Variants in KCNAB1 observed in about 807,000 individuals in gnomAD.
The protein encoded by KCNAB1 is potassium voltage-gated channel subfamily A regulatory beta subunit 1.
KCNAB1 carries 35 observed loss-of-function variants against 64.6 expected under a neutral mutation model. That is an observed-to-expected ratio of 0.54 (90% CI 0.41 to 0.72). The LOEUF (loss-of-function observed/expected upper bound fraction) is 0.72. KCNAB1 is among the 30% of genes least tolerant of loss of function. The probability of loss-of-function intolerance (pLI) is 0.00; values close to 1 mark genes in which losing one functional copy is unlikely to be tolerated. For missense variants in KCNAB1, 401 were observed against 512.9 expected, an observed-to-expected ratio of 0.78 and a Z score of 2.11; for synonymous variants, 177 against 183.8, an observed-to-expected ratio of 0.96 and a Z score of 0.30.
intron 1 of KCNAB1, among the ~76,000 whole-genome samples, chr3:156,123,418 G>T (rs1032405324): frequency 6.6e-6 from 1 of 152,170 alleles, no homozygotes; most frequent in Non-Finnish European, 1.5e-5. Context: ...ATTGCTTTAT[G>T]TCCATATTCT....
intron 1 of KCNAB1, among the ~76,000 whole-genome samples, chr3:156,374,837 A>T (rs1711539165): frequency 7.3e-6 from 1 of 136,056 alleles, no homozygotes; most frequent in Non-Finnish European, 1.5e-5. Flanking sequence ...GTTGTTGTAA[A>T]GGTTAGATTT....
In KCNAB1 at chr3:156,222,354, G is replaced by T. The variant is rs141101589; in HGVS notation, c.275+101468G>T. ...CAAAGAACACTATATAATGATAAAA[G>T]AACTAGTCCAACAAGAAAATATCAC... On this transcript the variant is annotated intron_variant, in intron 1 of 13. Coordinates refer to ENST00000490337, the MANE Select transcript of KCNAB1 (RefSeq NM_172160.3). Among the ~76,000 whole-genome samples the T allele has an allele frequency of 3.7e-3, 564 of 152,204 alleles. 2 individuals carry two copies. The highest frequency in any genetic ancestry group is 6.8e-3 in the Admixed American group (104 of 15,302).
chr3:156,390,570 T>A (rs774244354), intron 1 of KCNAB1, among the ~76,000 whole-genome samples: 8 of 139,102 alleles, frequency 5.8e-5, no homozygotes, highest in Non-Finnish European at 1.1e-4. Flanking sequence ...CCCTCTCTCC[T>A]TCCTTCCTTC....
intron 11 of KCNAB1, among the ~76,000 whole-genome samples, chr3:156,521,616 T>C (rs1333995995): frequency 1.3e-5 from 2 of 152,190 alleles, no homozygotes; most frequent in Non-Finnish European, 2.9e-5. Context: ...TTTTGATTCA[T>C]AGATTACTGT....
chr3:156,196,787 C>A (rs1473775068), intron 1 of KCNAB1, among the ~76,000 whole-genome samples: 1 of 152,132 alleles, frequency 6.6e-6, no homozygotes, highest in East Asian at 1.9e-4. Flanking sequence ...TTTGAATATG[C>A]TTTATTTCTT....
intron 1 of KCNAB1, among the ~76,000 whole-genome samples, chr3:156,341,753 G>T (rs149872316): frequency 1.3e-5 from 2 of 152,200 alleles, no homozygotes; most frequent in African/African-American, 4.8e-5. Flanking sequence ...GTGACCTAGT[G>T]CATACATACA....
At chr3:156,439,490 G>A (rs1238162063) in intron 2 of KCNAB1, among the ~76,000 whole-genome samples, 1 of 152,234 alleles carries the variant, frequency 6.6e-6, no homozygotes, top group Non-Finnish European at 1.5e-5. Context: ...TGATGAACAA[G>A]ACAGACAGCC....
intron 1 of KCNAB1, among the ~76,000 whole-genome samples, chr3:156,357,572 C>T (rs564137411): frequency 1.3e-5 from 2 of 152,202 alleles, no homozygotes; most frequent in East Asian, 1.9e-4. Context: ...GAGAGTGCTA[C>T]AGCAACTTTC....
At chr3:156,276,768 G>C (rs1719373676) in intron 1 of KCNAB1, among the ~76,000 whole-genome samples, 1 of 152,054 alleles carries the variant, frequency 6.6e-6, no homozygotes, top group Non-Finnish European at 1.5e-5. Context: ...GCCTTGCTCT[G>C]GATTGTGCTT....
chr3:156,405,485 T>C (rs1714188780), intron 1 of KCNAB1, among the ~76,000 whole-genome samples: 1 of 152,200 alleles, frequency 6.6e-6, no homozygotes, highest in Non-Finnish European at 1.5e-5. Flanking sequence ...ATTTTCTCAG[T>C]ACAGTAACTT....
At chr3:156,459,261 G>T (rs367731600) in intron 4 of KCNAB1, among the ~76,000 whole-genome samples, 1 of 152,148 alleles carries the variant, frequency 6.6e-6, no homozygotes, top group South Asian at 2.1e-4. Flanking sequence ...AGCCTTAGGG[G>T]CAGGAAGGAC....
intron 1 of KCNAB1, among the ~76,000 whole-genome samples, chr3:156,185,040 G>C (rs1325972257): frequency 6.6e-6 from 1 of 152,196 alleles, no homozygotes; most frequent in African/African-American, 2.4e-5. Flanking sequence ...TAGGTGTAAA[G>C]CTCAAGGCCA....
At chr3:156,306,088 G>A (rs1721472943) in intron 1 of KCNAB1, among the ~76,000 whole-genome samples, 1 of 152,218 alleles carries the variant, frequency 6.6e-6, no homozygotes, top group South Asian at 2.1e-4. Context: ...CTGCGTGGAA[G>A]CTATACAGTG....
intron 1 of KCNAB1, among the ~76,000 whole-genome samples, chr3:156,329,419 A>G (rs1204841082): frequency 6.6e-6 from 1 of 152,142 alleles, no homozygotes; most frequent in Non-Finnish European, 1.5e-5. Context: ...ATGGAAATCT[A>G]CTGAACTCTT....
At chr3:156,453,114 T>C (rs1465921175) in intron 3 of KCNAB1, 178 bp downstream of exon 3, 2 of 480,260 alleles carry the variant, frequency 4.2e-6, no homozygotes, top group Non-Finnish European at 7.4e-6. Flanking sequence ...ATTTTTTACA[T>C]TTAGACTATT....
intron 1 of KCNAB1, among the ~76,000 whole-genome samples, chr3:156,186,111 A>G (rs977114356): frequency 6.6e-6 from 1 of 152,192 alleles, no homozygotes; most frequent in Non-Finnish European, 1.5e-5. Flanking sequence ...GTCTCCAATG[A>G]CCAGCCTTGC....
chr3:156,187,320 C>T (rs1713267021), intron 1 of KCNAB1, among the ~76,000 whole-genome samples: 1 of 152,194 alleles, frequency 6.6e-6, no homozygotes, highest in Non-Finnish European at 1.5e-5. Context: ...GCTTATAACT[C>T]TTAGCTCTGA....
chr3:156,520,029 C>T (rs745627136), intron 11 of KCNAB1, among the ~76,000 whole-genome samples: 3 of 151,856 alleles, frequency 2.0e-5, no homozygotes, highest in African/African-American at 2.4e-5. Context: ...GGAACCCCAA[C>T]AAAAAAACAC....
intron 1 of KCNAB1, among the ~76,000 whole-genome samples, chr3:156,258,483 T>C (rs963201228): frequency 1.3e-5 from 2 of 152,202 alleles, no homozygotes; most frequent in Non-Finnish European, 2.9e-5. Context: ...CTGCCTGATA[T>C]GCTGTTGAAC....
Sources: allele counts gnomAD v4.1 joint callset (sites outside exome capture counted in the v4.1 genomes callset), GRCh38; gene constraint gnomAD v4.1.1; transcripts MANE v1.5; gene names NCBI Gene and HGNC (gene_info 2026-07-23, HGNC 2026-07-21).